The following COL25A1 variants were observed in gnomAD, a reference collection of about 807,000 sequenced individuals.
COL25A1 encodes the protein collagen type XXV alpha 1 chain, also known as collagen alpha-1(XXV) chain.
A neutral mutation model predicts 128.4 loss-of-function variants in COL25A1; 103 were observed. The ratio of observed to expected loss-of-function variants is 0.80; its 90% confidence interval spans 0.68 to 0.94. The LOEUF (loss-of-function observed/expected upper bound fraction) is 0.94. COL25A1 is among the 40% of genes least tolerant of loss of function. The pLI, the probability that COL25A1 is intolerant of heterozygous loss-of-function variation, is 0.00. For synonymous variants in COL25A1, 279 were observed against 277.2 expected, an observed-to-expected ratio of 1.01 and a Z score of -0.06; for missense variants, 745 against 840.0, an observed-to-expected ratio of 0.89 and a Z score of 1.40.
chr4:108,994,680 C>T (rs1323593146), intron 6 of COL25A1, among the ~76,000 whole-genome samples: 6 of 152,190 alleles, frequency 3.9e-5, no homozygotes, highest in East Asian at 3.9e-4. Flanking sequence ...CCCTGACCCC[C>T]GTGTACCTGA....
At chr4:109,006,683 A>G (rs1208339035) in intron 6 of COL25A1, among the ~76,000 whole-genome samples, 1 of 152,170 alleles carries the variant, frequency 6.6e-6, no homozygotes, top group African/African-American at 2.4e-5. Context: ...TGTAAGATTT[A>G]ATTTTATAAA....
At chr4:108,996,571 A>G (rs149383278) in intron 6 of COL25A1, among the ~76,000 whole-genome samples, 120,983 of 152,014 alleles carry the variant, frequency 0.8, 49,304 homozygotes, top group East Asian at 1. Context: ...AACAAGACAG[A>G]AGGTTAACAA....
intron 5 of COL25A1, among the ~76,000 whole-genome samples, chr4:109,032,159 CT>C (rs1272362371): frequency 1.3e-5 from 2 of 152,006 alleles, no homozygotes; most frequent in African/African-American, 4.8e-5. Flanking sequence ...TGTTGAGTGA[CT>C]TGTCTAAGAT....
chr4:108,941,859 G>A (rs941095104), intron 8 of COL25A1, among the ~76,000 whole-genome samples: 2 of 152,146 alleles, frequency 1.3e-5, no homozygotes, highest in Admixed American at 6.5e-5. Context: ...TTTTATTGAC[G>A]CCTGAAGTCC....
chr4:109,242,395 C>G (rs546988280), intron 3 of COL25A1, among the ~76,000 whole-genome samples: 35 of 152,096 alleles, frequency 2.3e-4, no homozygotes, highest in African/African-American at 7.7e-4. Flanking sequence ...ACACACATAC[C>G]AACACTCAAT....
intron 14 of COL25A1, among the ~76,000 whole-genome samples, chr4:108,900,811 C>T (rs1412666763): frequency 1.3e-5 from 2 of 151,964 alleles, no homozygotes; most frequent in South Asian, 2.1e-4. Flanking sequence ...TTTTTATATA[C>T]CCACTAAGTG....
intron 37 of COL25A1, among the ~76,000 whole-genome samples, chr4:108,816,388 A>G (rs977677536): frequency 4.6e-5 from 7 of 152,226 alleles, no homozygotes; most frequent in Admixed American, 1.3e-4. Flanking sequence ...ATGCCTGTCC[A>G]AAATTACTGA....
chr4:108,867,611 G>A (rs73840724), intron 20 of COL25A1, among the ~76,000 whole-genome samples: 2,995 of 152,258 alleles, frequency 0.02, 97 homozygotes, highest in African/African-American at 0.066. Flanking sequence ...CACTTGACCA[G>A]CAGAAATGAG....
intron 5 of COL25A1, among the ~76,000 whole-genome samples, chr4:109,038,716 A>C (rs898288925): frequency 6.6e-6 from 1 of 152,188 alleles, no homozygotes. Context: ...TAGCTGTCTT[A>C]CCAATAGCTC....
intron 32 of COL25A1, among the ~76,000 whole-genome samples, chr4:108,831,360 A>G (rs373839646): frequency 6.6e-6 from 1 of 152,106 alleles, no homozygotes; most frequent in Non-Finnish European, 1.5e-5. Flanking sequence ...CATTTGGTAA[A>G]TATTTCCTGA....
At chr4:108,981,682 C>T (rs1056816582) in intron 6 of COL25A1, among the ~76,000 whole-genome samples, 2 of 152,122 alleles carry the variant, frequency 1.3e-5, no homozygotes, top group Non-Finnish European at 2.9e-5. Flanking sequence ...CCTGTGTGAT[C>T]TTTAAATGGT....
chr4:109,208,560 A>G (rs1355323643), intron 3 of COL25A1, among the ~76,000 whole-genome samples: 1 of 151,764 alleles, frequency 6.6e-6, no homozygotes, highest in Admixed American at 6.6e-5. Flanking sequence ...GTTAATCACT[A>G]TCTACATAGT....
chr4:108,890,301 G>GT (rs1229220867), intron 16 of COL25A1, among the ~76,000 whole-genome samples: 1 of 152,172 alleles, frequency 6.6e-6, no homozygotes, highest in East Asian at 1.9e-4. Flanking sequence ...CAATGGGCAC[G>GT]TTTTTTCCAG....
intron 3 of COL25A1, among the ~76,000 whole-genome samples, chr4:109,272,864 G>A (rs979948725): frequency 1.3e-5 from 2 of 152,154 alleles, no homozygotes; most frequent in African/African-American, 4.8e-5. Flanking sequence ...TCACACAACA[G>A]GAATACAGCA....
intron 3 of COL25A1, among the ~76,000 whole-genome samples, chr4:109,187,200 TACAC>T (rs36159924): frequency 0.023 from 3,332 of 147,382 alleles, 69 homozygotes; most frequent in East Asian, 0.066. Flanking sequence ...TCTTGCTCTC[TACAC>T]ACACACACAC....
chr4:109,155,050 A>G (rs1771901795), intron 3 of COL25A1, among the ~76,000 whole-genome samples: 1 of 152,202 alleles, frequency 6.6e-6, no homozygotes, highest in South Asian at 2.1e-4. Context: ...CACTTAAAGT[A>G]TTTCAATGTA....
intron 3 of COL25A1, among the ~76,000 whole-genome samples, chr4:109,270,596 C>T (rs536668698): frequency 3.2e-4 from 48 of 152,250 alleles, no homozygotes; most frequent in African/African-American, 1.1e-3. Context: ...CACTGCTTCA[C>T]GACATCTCAA....
At position 109,173,252 on chromosome 4, in the gene COL25A1, A is replaced by AT. The variant is rs1343266359; in HGVS notation, c.368-123074dup. Among the ~76,000 whole-genome samples, 13 of 151,948 alleles carry AT rather than the reference A, an allele frequency of 8.6e-5. No individual in the cohort carries two copies. The South Asian group carries it at 2.5e-3, about 29-fold the overall frequency. ...AGGCACACACCACCACATCCAGCTA[A>AT]TTTAAAAAAAAAAATAGTAGAGATG... On this transcript the variant is annotated intron_variant, in intron 3 of 37. Coordinates refer to ENST00000399132, the MANE Select transcript of COL25A1 (RefSeq NM_198721.4).
Position 108,836,064 on chromosome 4 carries a change from G to A in COL25A1, c.1657-3631C>T, listed in dbSNP as rs1201747380. 2.7e-5 allele frequency among the ~76,000 whole-genome samples: 4 copies of A among 149,964 alleles called. No homozygotes were observed. The South Asian group carries it at 8.5e-4, about 32-fold the overall frequency. ...TTTTTTGTATTTTTAATCGAGACAG[G>A]TTTCACCATGTTAGCCAGGATGGTC... On this transcript the variant is annotated intron_variant, in intron 31 of 37. Coordinates refer to ENST00000399132, the MANE Select transcript of COL25A1 (RefSeq NM_198721.4).
Sources: gnomAD v4.1 joint callset for allele counts (sites outside exome capture counted in the v4.1 genomes callset) on GRCh38, gnomAD v4.1.1 for gene constraint, MANE v1.5 for transcripts, NCBI Gene and HGNC (gene_info 2026-07-23, HGNC 2026-07-21) for gene names.